TMC1: variants seen among roughly 807,000 people sequenced by gnomAD.
The protein encoded by TMC1 is transmembrane channel-like protein 1.
TMC1 carries 84 observed loss-of-function variants against 105.8 expected under a neutral mutation model. The ratio of observed to expected loss-of-function variants is 0.79; its 90% confidence interval spans 0.67 to 0.95. The LOEUF (loss-of-function observed/expected upper bound fraction) is 0.95, where lower values mean the gene tolerates loss of function less well. Ranked by LOEUF, TMC1 falls within the 40% of genes least tolerant of loss-of-function variation. TMC1 has a pLI of 0.00. For synonymous variants in TMC1, 315 were observed against 311.5 expected (o/e 1.01, Z -0.12); for missense variants, 817 against 914.1 (o/e 0.89, Z 1.37).
chr9:72,615,618 G>A (rs1339054880), intron 2 of TMC1, among the ~76,000 whole-genome samples: 1 of 152,098 alleles, frequency 6.6e-6, no homozygotes, highest in Non-Finnish European at 1.5e-5. Context: ...TGATTCCATA[G>A]TAATGTATAG....
At chr9:72,657,158 G>A (rs903530408) in intron 5 of TMC1, among the ~76,000 whole-genome samples, 2 of 152,164 alleles carry the variant, frequency 1.3e-5, no homozygotes, top group African/African-American at 4.8e-5. Flanking sequence ...AATTCTAAGT[G>A]TGTGAAACTC....
chr9:72,744,639 A>C (rs1434418523), intron 10 of TMC1, among the ~76,000 whole-genome samples: 1 of 152,212 alleles, frequency 6.6e-6, no homozygotes, highest in African/African-American at 2.4e-5. Flanking sequence ...TCTGGACCTC[A>C]GTCTACTAAT....
chr9:72,797,556 A>G lies in TMC1; in HGVS notation c.1566+5204A>G, dbSNP rs192182197. 2.4e-3 allele frequency among the ~76,000 whole-genome samples: 367 copies of G among 152,322 alleles called. 4 individuals carry two copies. Among genetic ancestry groups the G allele is most frequent in the Non-Finnish European group, 3.1e-3 (211 of 68,020 alleles). ...ATGGAACAGAATAGATAACTTAGAA[A>G]TAAAACCACACAACTACAACCATCT... On this transcript the variant is annotated intron_variant, in intron 17 of 23. Coordinates refer to ENST00000297784, the MANE Select transcript of TMC1 (RefSeq NM_138691.3).
intron 4 of TMC1, chr9:72,628,286 G>C: frequency 3.7e-6 from 1 of 272,106 alleles, no homozygotes. Flanking sequence ...GAGGTAGGGC[G>C]AGAGGGAAAA....
chr9:72,666,097 A>C (rs1227061711), intron 5 of TMC1, among the ~76,000 whole-genome samples: 1 of 152,204 alleles, frequency 6.6e-6, no homozygotes, highest in East Asian at 1.9e-4. Context: ...TTTTGAAAGG[A>C]AAGGTTTATA....
In TMC1 at chr9:72,772,466, A is replaced by G. The variant is rs140398130; in HGVS notation, c.795A>G (p.Thr265=). 1.9e-6 allele frequency: 3 copies of G among 1,613,848 alleles called. No homozygotes were observed. The African/African-American group carries it at 4.0e-5, about 22-fold the overall frequency. ...LFYGYYDNKR[T]IGWMNFRLPL... is the part of the protein sequence containing the mutation. ...ATGGCTATTATGACAATAAACGAAC[A>G]ATTGGATGGATGAATTTCAGGTTGC... The change falls in exon 13 of 24, where the codon ACA becomes ACG. Residue 265 remains threonine, a synonymous_variant. Coordinates refer to ENST00000297784, the MANE Select transcript of TMC1 (RefSeq NM_138691.3).
At chr9:72,755,098 A>AGAG (rs1564533532) in intron 12 of TMC1, among the ~76,000 whole-genome samples, 9 of 97,306 alleles carry the variant, frequency 9.2e-5, no homozygotes, top group African/African-American at 3.6e-4. Flanking sequence ...GAGAGAGAGA[A>AGAG]AGAAAGAAAG....
chr9:72,805,286 G>T, intron 17 of TMC1, 96 bp from the exon 18 acceptor site: 1 of 1,400,298 alleles, frequency 7.1e-7, no homozygotes, highest in South Asian at 1.2e-5. Flanking sequence ...CAGTCTTCAA[G>T]CCAATACTTC....
chr9:72,815,817 T>A (rs1828778081), intron 18 of TMC1, among the ~76,000 whole-genome samples: 1 of 152,198 alleles, frequency 6.6e-6, no homozygotes, highest in Admixed American at 6.5e-5. Context: ...AGAATAAGAT[T>A]TTTAAAGCTT....
intron 5 of TMC1, among the ~76,000 whole-genome samples, chr9:72,650,876 A>ATATATATT (rs1825794600): frequency 7.5e-6 from 1 of 132,756 alleles, no homozygotes; most frequent in African/African-American, 2.8e-5. Context: ...TGTATTTTAT[A>ATATATATT]TATATAGATA....
At chr9:72,783,235 A>C (rs577104112) in intron 13 of TMC1, among the ~76,000 whole-genome samples, 5 of 152,080 alleles carry the variant, frequency 3.3e-5, no homozygotes, top group Non-Finnish European at 7.4e-5. Context: ...GCCGTCTGCA[A>C]GCTGAGGAAG....
At chr9:72,572,225 C>G (rs954527523) in intron 1 of TMC1, among the ~76,000 whole-genome samples, 2 of 149,892 alleles carry the variant, frequency 1.3e-5, no homozygotes, top group Admixed American at 1.3e-4. Context: ...AAACCAGGAT[C>G]TCACTTGGTC....
chr9:72,581,993 T>C (rs528798269), intron 2 of TMC1, among the ~76,000 whole-genome samples: 22 of 152,178 alleles, frequency 1.4e-4, no homozygotes, highest in Non-Finnish European at 2.5e-4. Flanking sequence ...GTTTCGCTCT[T>C]GTTGCTCAGG....
chr9:72,694,731 ATTCT>A lies in TMC1; in HGVS notation c.236+21_236+24del. 6.3e-7 allele frequency: 1 copy of A among 1,595,166 alleles called. No homozygotes were observed. The highest frequency in any genetic ancestry group is 8.5e-7 in the Non-Finnish European group (1 of 1,170,132). On this transcript the variant is annotated intron_variant, in intron 7 of 23. Coordinates refer to ENST00000297784, the MANE Select transcript of TMC1 (RefSeq NM_138691.3). The stretch of plus-strand genomic sequence containing the variant: ...GAGAGGAGCGTAAGTTAGTTCTGAT[ATTCT>A]TTCAAAAGTTCCAATGCTGAAGAAG...
intron 2 of TMC1, among the ~76,000 whole-genome samples, chr9:72,603,411 A>ACACACACACACACACCACACTCCACACG (rs1564438196): frequency 5.0e-4 from 75 of 148,954 alleles, no homozygotes; most frequent in African/African-American, 1.7e-3. Flanking sequence ...ACACACACAC[A>ACACACACACACACACCACACTCCACACG]CACACACACA....
At chr9:72,696,182 T>G (rs1826547608) in intron 7 of TMC1, among the ~76,000 whole-genome samples, 1 of 152,202 alleles carries the variant, frequency 6.6e-6, no homozygotes, top group South Asian at 2.1e-4. Flanking sequence ...CGTCTGCTGA[T>G]GGCCCTCATG....
At chr9:72,738,748 A>T (rs1023503538) in intron 8 of TMC1, among the ~76,000 whole-genome samples, 10 of 152,064 alleles carry the variant, frequency 6.6e-5, no homozygotes, top group African/African-American at 2.2e-4. Context: ...TTGACTTTAT[A>T]TGTTAATAGG....
chr9:72,703,037 G>A (rs1056339931), intron 8 of TMC1, among the ~76,000 whole-genome samples: 6 of 151,690 alleles, frequency 4.0e-5, no homozygotes, highest in Admixed American at 1.3e-4. Flanking sequence ...TTTTTTAACC[G>A]TGGCAATATA....
chr9:72,746,388 T>C (rs1036107695), intron 10 of TMC1, among the ~76,000 whole-genome samples: 3 of 152,270 alleles, frequency 2.0e-5, no homozygotes, highest in Admixed American at 1.3e-4. Context: ...TGTGTTAATG[T>C]ATGTATGCTT....
Sources: allele counts gnomAD v4.1 joint callset (sites outside exome capture counted in the v4.1 genomes callset), GRCh38; gene constraint gnomAD v4.1.1; transcripts MANE v1.5; gene names NCBI Gene and HGNC (gene_info 2026-07-23, HGNC 2026-07-21).